CDC42BPB: variants seen among roughly 807,000 people sequenced by gnomAD.
CDC42BPB encodes CDC42 binding protein kinase beta, also known as serine/threonine-protein kinase MRCK beta.
Under a neutral mutation model 214.9 loss-of-function variants are expected in CDC42BPB, and 37 were observed. That is an observed-to-expected ratio of 0.17 (90% CI 0.13 to 0.23). CDC42BPB has a LOEUF of 0.23. Among genes scored for constraint, CDC42BPB ranks in the 10% least tolerant of loss-of-function variants. The probability of loss-of-function intolerance (pLI) is 1.00; values close to 1 mark genes in which losing one functional copy is unlikely to be tolerated. For synonymous variants in CDC42BPB, 931 were observed against 884.0 expected (o/e 1.05, Z -0.94); for missense variants, 1,694 against 2,227.0 (o/e 0.76, Z 4.82).
At chr14:102,936,297 C>T (rs937263711) in intron 36 of CDC42BPB, among the ~76,000 whole-genome samples, 5 of 152,216 alleles carry the variant, frequency 3.3e-5, no homozygotes, top group African/African-American at 7.2e-5. Context: ...TGTGCACACA[C>T]GTGTTCACAG....
Position 102,970,344 on chromosome 14 carries a change from A to G in CDC42BPB, c.1885-83T>C, listed in dbSNP as rs34818585. On this transcript the variant is annotated intron_variant, in intron 13 of 36. Coordinates refer to ENST00000361246, the MANE Select transcript of CDC42BPB (RefSeq NM_006035.4). ...CAGCAGCACCCACGGGACCTCCACA[A>G]GAACAAGACCTCGAAGGAGCTCTGC... 8,870 of 1,515,758 alleles carry G rather than the reference A, an allele frequency of 5.9e-3. 451 individuals are homozygous for G. The African/African-American group carries it at 0.11, about 18-fold the overall frequency. The allele number at this position is 1,515,758 out of a possible 1,614,324, so 93.9% of individuals were successfully genotyped here. A position where few individuals can be genotyped will look rare whatever the true frequency, so the allele number is the denominator to read the frequency against.
chr14:102,934,137 CT>C (rs1891523190), intron 36 of CDC42BPB: 1 of 686,550 alleles, frequency 1.5e-6, no homozygotes, highest in African/African-American at 1.9e-5. Flanking sequence ...TGGCTCCTGC[CT>C]GTAATCCCAG....
rs573814112 is a variant in CDC42BPB at position 103,027,036 on chromosome 14, T to C, written c.176-14848A>G. On this transcript the variant is annotated intron_variant, in intron 1 of 36. Transcript: ENST00000361246. ...ATGGGCAAAGGATCTGAATCATCAT[T>C]TCTCCAAAGAAGATATATTAATACA... Among the ~76,000 whole-genome samples, 4 of 152,302 alleles carry C rather than the reference T, an allele frequency of 2.6e-5. No homozygotes were observed. In the South Asian group the frequency reaches 8.3e-4, roughly 32 times the overall value.
In CDC42BPB at chr14:102,949,815, T is replaced by C. The variant is rs925037289; in HGVS notation, c.3399A>G (p.Glu1133=). ...TGACACCAGGCTGGGTGGATTTTCC[T>C]TCAGGCAGATCATACAGGAAGAGCT... ...DCKLFLYDLP[E]GKSTQPGVIA... is the part of the protein sequence containing the mutation. Residue 1133 remains glutamate, a synonymous_variant, in exon 26 of 37, where the codon GAA becomes GAG. Coordinates refer to ENST00000361246, the MANE Select transcript of CDC42BPB (RefSeq NM_006035.4). 3.1e-6 allele frequency: 5 copies of C among 1,613,610 alleles called. No homozygotes were observed. Among genetic ancestry groups the C allele is most frequent in the Non-Finnish European group, 4.2e-6 (5 of 1,180,020 alleles).
At chr14:102,950,758 C>T in intron 24 of CDC42BPB, 156 bp from the exon 25 acceptor site, 1 of 838,152 alleles carries the variant, frequency 1.2e-6, no homozygotes, top group Non-Finnish European at 1.4e-6. Context: ...TTGAGGTCAG[C>T]AGTTTGAGAC....
At chr14:102,963,026 T>C in intron 20 of CDC42BPB, 35 bp downstream of exon 20, 1 of 980,060 alleles carries the variant, frequency 1.0e-6, no homozygotes, top group Non-Finnish European at 1.6e-6. Context: ...AATACTTATA[T>C]TCAAATAATG....
Position 103,057,059 on chromosome 14 carries a change from T to C in CDC42BPB, c.115A>G (p.Thr39Ala). The C allele has an allele frequency of 1.3e-6, 2 of 1,523,852 alleles. No individual in the cohort carries two copies. Among genetic ancestry groups the C allele is most frequent in the Non-Finnish European group, 1.8e-6 (2 of 1,140,770 alleles). The allele number at this position is 1,523,852 out of a possible 1,614,324, so 94.4% of individuals were successfully genotyped here. A position where few individuals can be genotyped will look rare whatever the true frequency, so the allele number is the denominator to read the frequency against. The change falls in exon 1 of 37, where the codon ACC becomes GCC. Residue 39 changes from threonine (T) to alanine (A), a missense_variant. Around this residue, in one of 7 missense-constraint regions of CDC42BPB, gnomAD observed 83 missense variants for 79.9 expected, o/e 1.04. Transcript: ENST00000361246. Reference protein sequence around the residue: ...TLLDVLVCLYTECSHSALRRD... With the variant: ...TLLDVLVCLYAECSHSALRRD... ...CGCAGGGCCGAGTGGCTGCACTCGG[T>C]GTACAGGCAGACGAGCACGTCGAGC... is the stretch of plus-strand genomic sequence containing the variant.
chr14:103,042,428 A>G (rs1359013769), intron 1 of CDC42BPB, among the ~76,000 whole-genome samples: 2 of 151,950 alleles, frequency 1.3e-5, no homozygotes, highest in South Asian at 2.1e-4. Flanking sequence ...CTCCTGCCTC[A>G]GCCTCCCGAG....
rs1230145878 is a variant in CDC42BPB at position 103,020,241 on chromosome 14, C to T, written c.176-8053G>A. Among the ~76,000 whole-genome samples, 6 of 152,210 alleles carry T rather than the reference C, an allele frequency of 3.9e-5. No homozygotes were observed. The East Asian group carries it at 1.2e-3, about 29-fold the overall frequency. ...TATCCATTACGAATAATACCTTTTA[C>T]CAATGAAGGTGAACAGGGCCCCAAT... On this transcript the variant is annotated intron_variant, in intron 1 of 36. Transcript: ENST00000361246.
chr14:103,047,737 CTACTAAAATACAAAAAAT>C (rs965776333), intron 1 of CDC42BPB, among the ~76,000 whole-genome samples: 1 of 151,912 alleles, frequency 6.6e-6, no homozygotes, highest in African/African-American at 2.4e-5. Flanking sequence ...AACCCTGTCT[CTACTAAAATACAAAAAAT>C]TAGCTGGGTG....
At chr14:102,999,491 G>C in intron 5 of CDC42BPB, 74 bp downstream of exon 5, 1 of 1,505,428 alleles carries the variant, frequency 6.6e-7, no homozygotes, top group Non-Finnish European at 9.2e-7. Context: ...GGGACGGCCT[G>C]GACTTGGGAG....
chr14:102,991,995 C>T (rs1021346774), intron 5 of CDC42BPB, among the ~76,000 whole-genome samples: 1 of 152,172 alleles, frequency 6.6e-6, no homozygotes, highest in African/African-American at 2.4e-5. Context: ...TCTTTTGTTG[C>T]ACCAGCCACG....
At chr14:102,954,136 C>T in intron 23 of CDC42BPB, 62 bp downstream of exon 23, 1 of 1,092,726 alleles carries the variant, frequency 9.2e-7, no homozygotes, top group Non-Finnish European at 1.4e-6. Context: ...TTCTAAATAA[C>T]TGAGAATAAA....
chr14:102,956,743 C>T (rs1595464725), intron 21 of CDC42BPB, among the ~76,000 whole-genome samples: 2 of 152,104 alleles, frequency 1.3e-5, no homozygotes, highest in African/African-American at 4.8e-5. Flanking sequence ...GCAGGAGAAT[C>T]GCTTGAGCCC....
chr14:103,028,209 A>G (rs1289184126), intron 1 of CDC42BPB, among the ~76,000 whole-genome samples: 1 of 152,240 alleles, frequency 6.6e-6, no homozygotes, highest in Non-Finnish European at 1.5e-5. Context: ...TGTACCACAC[A>G]TGAGGGGGTC....
intron 26 of CDC42BPB, among the ~76,000 whole-genome samples, chr14:102,949,266 G>C (rs2139387222): frequency 6.6e-6 from 1 of 152,284 alleles, no homozygotes; most frequent in South Asian, 2.1e-4. Flanking sequence ...GTGGGAAGGA[G>C]GCCCCGCCTG....
intron 10 of CDC42BPB, 30 bp downstream of exon 10, chr14:102,975,853 G>T (rs376747110): frequency 1.2e-6 from 2 of 1,613,726 alleles, no homozygotes; most frequent in African/African-American, 1.3e-5. Flanking sequence ...CAGCGCCCCC[G>T]CCTGGCCCCG....
At chr14:102,950,250 T>C (rs1303535199) in intron 25 of CDC42BPB, among the ~76,000 whole-genome samples, 2 of 152,228 alleles carry the variant, frequency 1.3e-5, no homozygotes, top group African/African-American at 4.8e-5. Context: ...GGACTCTGAG[T>C]GAGCGTCTGC....
intron 1 of CDC42BPB, among the ~76,000 whole-genome samples, chr14:103,039,299 A>C (rs1887849544): frequency 6.6e-6 from 1 of 151,256 alleles, no homozygotes; most frequent in African/African-American, 2.4e-5. Context: ...AACCAAAAAA[A>C]AAAAAAAAAA....
Sources: allele counts gnomAD v4.1 joint callset (sites outside exome capture counted in the v4.1 genomes callset), GRCh38; gene constraint gnomAD v4.1.1; regional missense constraint gnomAD v4.1.1; transcripts MANE v1.5; gene names NCBI Gene and HGNC (gene_info 2026-07-23, HGNC 2026-07-21).